Variants in CHD9 observed in about 807,000 individuals in gnomAD.
CHD9 encodes the protein chromodomain helicase DNA binding protein 9.
CHD9 carries 77 observed loss-of-function variants against 316.1 expected under a neutral mutation model. That is an observed-to-expected ratio of 0.24 (90% CI 0.20 to 0.29). The LOEUF is 0.29. CHD9 is among the 10% of genes least tolerant of loss of function. The pLI, the probability that CHD9 is intolerant of heterozygous loss-of-function variation, is 1.00. For missense variants in CHD9, 2,763 were observed against 3,438.1 expected (o/e 0.80, Z 4.91); for synonymous variants, 1,129 against 1,158.3 (o/e 0.97, Z 0.51).
At chr16:53,261,210 T>C (rs1208244651) in intron 19 of CHD9, among the ~76,000 whole-genome samples, 1 of 152,008 alleles carries the variant, frequency 6.6e-6, no homozygotes, top group Non-Finnish European at 1.5e-5. Context: ...TAACATTTGC[T>C]TTATTTTATA....
intron 37 of CHD9, among the ~76,000 whole-genome samples, chr16:53,319,397 A>G (rs1228715092): frequency 6.6e-6 from 1 of 152,232 alleles, no homozygotes; most frequent in Non-Finnish European, 1.5e-5. Flanking sequence ...CTATTTTAAA[A>G]TAACAGTTGT....
At chr16:53,085,490 G>GC (rs1303166166) in intron 1 of CHD9, among the ~76,000 whole-genome samples, 1 of 152,014 alleles carries the variant, frequency 6.6e-6, no homozygotes, top group Non-Finnish European at 1.5e-5. Flanking sequence ...CTTCCTCCCT[G>GC]CCCCCATTGA....
At chr16:53,261,824 A>G (rs8051655) in intron 19 of CHD9, among the ~76,000 whole-genome samples, 1 of 152,024 alleles carries the variant, frequency 6.6e-6, no homozygotes, top group Non-Finnish European at 1.5e-5. Flanking sequence ...ACATGTTTCC[A>G]TATGTATCAT....
intron 22 of CHD9, among the ~76,000 whole-genome samples, chr16:53,270,686 C>T (rs1009484144): frequency 5.3e-5 from 8 of 151,924 alleles, no homozygotes; most frequent in Admixed American, 1.3e-4. Context: ...GGAGAGGAAA[C>T]GGCAACAAGA....
intron 34 of CHD9, among the ~76,000 whole-genome samples, chr16:53,313,314 T>G (rs1046454980): frequency 5.3e-5 from 8 of 151,464 alleles, no homozygotes; most frequent in African/African-American, 1.2e-4. Context: ...GGACAAAGTG[T>G]TTTTTTTCTG....
chr16:53,310,269 A>G (rs149319934), intron 34 of CHD9, among the ~76,000 whole-genome samples: 124 of 152,262 alleles, frequency 8.1e-4, no homozygotes, highest in Middle Eastern at 6.8e-3. Context: ...ATGCTTTACA[A>G]TTACAGTCGC....
intron 11 of CHD9, 86 bp from the exon 12 acceptor site, chr16:53,238,257 G>A (rs1376124357): frequency 7.5e-6 from 9 of 1,193,648 alleles, no homozygotes; most frequent in Non-Finnish European, 1.1e-6. Flanking sequence ...TATTTTATTT[G>A]ATCTTTGATT....
Position 53,245,540 on chromosome 16 carries a change from A to G in CHD9, c.3199-55A>G, listed in dbSNP as rs1016123012. On this transcript the variant is annotated intron_variant, in intron 14 of 38. Transcript: ENST00000447540. This position sits in a 1 kb window ranked among gnomAD's most constrained non-coding sequence, Gnocchi z 4.1. ...TTTCTAATCATTGTAATTATTTTGT[A>G]TGTGTAATTAAATGCTCACTTATGT... The G allele has an allele frequency of 3.9e-6, 6 of 1,533,156 alleles. No individual in the cohort carries two copies. Among genetic ancestry groups the G allele is most frequent in the East Asian group, 2.3e-5 (1 of 43,874 alleles). 95.0% of individuals were successfully genotyped at this position (1,533,156 alleles called of 1,614,324 possible).
intron 24 of CHD9, among the ~76,000 whole-genome samples, chr16:53,274,743 G>C (rs372398794): frequency 6.6e-6 from 1 of 152,176 alleles, no homozygotes; most frequent in Non-Finnish European, 1.5e-5. Context: ...TTACAGGCAT[G>C]AGCCACCACG....
chr16:53,126,339 AATCAATTGACC>A (rs1282121342), intron 1 of CHD9, among the ~76,000 whole-genome samples: 1 of 152,200 alleles, frequency 6.6e-6, no homozygotes, highest in Non-Finnish European at 1.5e-5. Context: ...TCTTACTGAA[AATCAATTGACC>A]ATCAATTGAC....
At chr16:53,266,118 A>G (rs976442883) in intron 20 of CHD9, among the ~76,000 whole-genome samples, 1 of 152,182 alleles carries the variant, frequency 6.6e-6, no homozygotes, top group South Asian at 2.1e-4. Context: ...TAATTGTAGC[A>G]TACAAGATCC....
rs546646325 is a variant in CHD9, at chr16:53,184,646, T to C, written c.1453-24836T>C. ...AGACATGAGCCACAATGGAGTGGTG[T>C]TTAAAAGATAGTTAGATGGGTGCCA... On this transcript the variant is annotated intron_variant, in intron 2 of 38. Transcript: ENST00000447540. Among the ~76,000 whole-genome samples the C allele has an allele frequency of 2.0e-5, 3 of 152,220 alleles. No homozygotes were observed. In the East Asian group the frequency reaches 5.8e-4, roughly 29 times the overall value.
chr16:53,100,450 C>T (rs1350412157), intron 1 of CHD9, among the ~76,000 whole-genome samples: 2 of 105,262 alleles, frequency 1.9e-5, no homozygotes, highest in East Asian at 2.7e-4. Flanking sequence ...TAGACTCATT[C>T]GTCTTTTTTT....
intron 1 of CHD9, among the ~76,000 whole-genome samples, chr16:53,083,413 C>CA (rs2035196808): frequency 6.6e-6 from 1 of 152,118 alleles, no homozygotes; most frequent in Admixed American, 6.6e-5. Flanking sequence ...TAACTGGCAG[C>CA]AAAAAGATAA....
At chr16:53,168,811 A>AC (rs1210082414) in intron 2 of CHD9, 1 of 152,340 alleles carries the variant, frequency 6.6e-6, no homozygotes, top group Non-Finnish European at 1.5e-5. Flanking sequence ...ATCACAGCAC[A>AC]CTGTAGCCTT....
intron 5 of CHD9, among the ~76,000 whole-genome samples, 194 bp downstream of exon 5, chr16:53,226,706 G>T (rs907165401): frequency 1.3e-5 from 2 of 151,996 alleles, no homozygotes; most frequent in Non-Finnish European, 2.9e-5. Flanking sequence ...CTTCATTCAG[G>T]TTGTCACTAC....
chr16:53,180,088 G>T (rs1450644108), intron 2 of CHD9, among the ~76,000 whole-genome samples: 3 of 145,712 alleles, frequency 2.1e-5, no homozygotes, highest in Non-Finnish European at 3.0e-5. Context: ...GTGCAATGGT[G>T]CCATCTCGGC....
At chr16:53,137,065 C>G (rs752382539) in intron 1 of CHD9, among the ~76,000 whole-genome samples, 10 of 152,104 alleles carry the variant, frequency 6.6e-5, no homozygotes, top group Non-Finnish European at 1.2e-4. Context: ...CCTCCACTTC[C>G]CAGGTTCAAG....
chr16:53,301,752 CTCTT>C (rs993200324), intron 30 of CHD9, among the ~76,000 whole-genome samples: 11 of 149,128 alleles, frequency 7.4e-5, no homozygotes, highest in South Asian at 4.3e-4. Flanking sequence ...CCCTTCCTCT[CTCTT>C]TCTTTTTTTT....
Sources: gnomAD v4.1 joint callset for allele counts (sites outside exome capture counted in the v4.1 genomes callset) on GRCh38, gnomAD v4.1.1 for gene constraint, Gnocchi (gnomAD v3.1) non-coding constraint, MANE v1.5 for transcripts, NCBI Gene and HGNC (gene_info 2026-07-23, HGNC 2026-07-21) for gene names.